The following DNAH6 variants were observed in gnomAD, a reference collection of about 807,000 sequenced individuals.
The protein encoded by DNAH6 is axonemal beta dynein heavy chain 6.
Under a neutral mutation model 491.4 loss-of-function variants are expected in DNAH6, and 340 were observed. The ratio of observed to expected loss-of-function variants is 0.69; its 90% CI spans 0.63 to 0.76. The LOEUF (loss-of-function observed/expected upper bound fraction) is 0.76. Among genes scored for constraint, DNAH6 ranks in the 30% least tolerant of loss-of-function variants. DNAH6 has a pLI of 0.00. For missense variants in DNAH6, 4,443 were observed against 4,972.2 expected (o/e 0.89, Z 3.20); for synonymous variants, 1,603 against 1,686.1 (o/e 0.95, Z 1.21).
At chr2:84,691,987 C>A (rs901592171) in intron 45 of DNAH6, among the ~76,000 whole-genome samples, 11 of 152,298 alleles carry the variant, frequency 7.2e-5, no homozygotes, top group African/African-American at 2.6e-4. Flanking sequence ...GTGGAGGAAA[C>A]AAATTTCAAA....
chr2:84,566,587 A>AT (rs1041780602), intron 11 of DNAH6, among the ~76,000 whole-genome samples: 4 of 151,896 alleles, frequency 2.6e-5, no homozygotes, highest in African/African-American at 7.2e-5. Context: ...CATGATAAAG[A>AT]TTTTTTTTCT....
chr2:84,683,106 C>T (rs1693939927), intron 42 of DNAH6, among the ~76,000 whole-genome samples: 1 of 152,178 alleles, frequency 6.6e-6, no homozygotes, highest in Admixed American at 6.5e-5. Context: ...GTCACCTTCT[C>T]AGCAAAACTT....
At chr2:84,676,563 G>A (rs1693252373) in intron 40 of DNAH6, among the ~76,000 whole-genome samples, 2 of 152,144 alleles carry the variant, frequency 1.3e-5, no homozygotes, top group South Asian at 4.1e-4. Context: ...TTGGTCGGTT[G>A]ACAAAAATGT....
At chr2:84,811,223 T>C (rs1024070985) in intron 72 of DNAH6, among the ~76,000 whole-genome samples, 1 of 152,250 alleles carries the variant, frequency 6.6e-6, no homozygotes, top group Non-Finnish European at 1.5e-5. Flanking sequence ...ATCCACACAA[T>C]GCCTGTCGCT....
rs1165291765 is a variant in DNAH6, at chr2:84,762,799, A to G, written c.10557A>G (p.Lys3519=). The G allele has an allele frequency of 3.9e-6, 6 of 1,550,790 alleles. No individual in the cohort carries two copies. The highest frequency in any genetic ancestry group is 2.4e-5 in the East Asian group (1 of 40,918). The change falls in exon 64 of 77, where the codon AAA becomes AAG. Residue 3519 remains lysine, a synonymous_variant. Transcript: ENST00000389394. ...LTDFVIENLG[K]QFIETPPVDL... is the part of the protein sequence containing the mutation. ...ACTTTGTGATAGAAAATCTTGGAAA[A>G]CAGTTTATAGAGACACCACCTGTGG...
At chr2:84,485,414 G>C in the DNAH6 span, among the ~76,000 whole-genome samples, 1 of 151,956 alleles carries the variant, frequency 6.6e-6, no homozygotes, top group Non-Finnish European at 1.5e-5. Flanking sequence ...GGGGCCTTTG[G>C]GTGTCCACTC....
chr2:84,699,126 C>T (rs1192287), intron 47 of DNAH6, among the ~76,000 whole-genome samples: 1 of 151,752 alleles, frequency 6.6e-6, no homozygotes, highest in Non-Finnish European at 1.5e-5. Context: ...CAAACCCCAG[C>T]ATCACGCAAT....
At chr2:84,519,843 A>T (rs1675976636) in intron 2 of DNAH6, among the ~76,000 whole-genome samples, 1 of 151,972 alleles carries the variant, frequency 6.6e-6, no homozygotes, top group Non-Finnish European at 1.5e-5. Flanking sequence ...AAACAATTTT[A>T]TACAAATTTA....
chr2:84,595,467 A>G (rs1412631612), intron 17 of DNAH6, among the ~76,000 whole-genome samples, 179 bp from the exon 18 acceptor site: 3 of 152,364 alleles, frequency 2.0e-5, no homozygotes, highest in African/African-American at 7.2e-5. Flanking sequence ...AGGCAAGAAC[A>G]TGAAAGGAAT....
At chr2:84,615,787 G>A (rs1390350396) in intron 22 of DNAH6, among the ~76,000 whole-genome samples, 1 of 146,236 alleles carries the variant, frequency 6.8e-6, no homozygotes, top group Non-Finnish European at 1.5e-5. Flanking sequence ...TTTTTTTTTT[G>A]CAGCTATTGT....
Position 84,812,326 on chromosome 2 carries a change from T to A in DNAH6, c.11740-15T>A. On this transcript the variant is annotated splice_polypyrimidine_tract_variant and intron_variant, in intron 72 of 76. Coordinates refer to ENST00000389394, the MANE Select transcript of DNAH6 (RefSeq NM_001370.2). ...ACATCTGCAAAGGCCACCAACCCCT[T>A]TTTTGTTCTTTCAGACTTCTCTGGA... is the stretch of plus-strand genomic sequence containing the variant. 1 of 1,549,876 alleles carries A rather than the reference T, an allele frequency of 6.5e-7. No individual in the cohort carries two copies. Among genetic ancestry groups the A allele is most frequent in the Non-Finnish European group, 8.7e-7 (1 of 1,145,854 alleles).
intron 58 of DNAH6, 105 bp downstream of exon 58, chr2:84,715,732 T>A: frequency 1.8e-6 from 2 of 1,083,044 alleles, no homozygotes; most frequent in Non-Finnish European, 2.7e-6. Flanking sequence ...GTAAGAGCAC[T>A]ACACATGAAC....
chr2:84,495,891 G>T, the DNAH6 span, among the ~76,000 whole-genome samples: 2 of 152,154 alleles, frequency 1.3e-5, no homozygotes, highest in Non-Finnish European at 2.9e-5. Flanking sequence ...TCTTATCAAC[G>T]TTACAGACAA....
intron 64 of DNAH6, among the ~76,000 whole-genome samples, chr2:84,766,651 T>A (rs957427183): frequency 3.3e-5 from 5 of 152,134 alleles, no homozygotes; most frequent in African/African-American, 7.2e-5. Flanking sequence ...AAATATATGT[T>A]TGAAGGTCTG....
At chr2:84,781,372 GGAAT>G in intron 64 of DNAH6, 117 bp from the exon 65 acceptor site, 1 of 837,990 alleles carries the variant, frequency 1.2e-6, no homozygotes, top group Non-Finnish European at 1.8e-6. Context: ...TACTCCTATT[GGAAT>G]GAGGATTCAA....
At chr2:84,471,733 A>G in the DNAH6 span, among the ~76,000 whole-genome samples, 10 of 152,228 alleles carry the variant, frequency 6.6e-5, no homozygotes, top group African/African-American at 2.4e-4. Context: ...CAAAAACACA[A>G]GCATACCCTT....
intron 64 of DNAH6, among the ~76,000 whole-genome samples, chr2:84,764,673 T>A (rs992377511): frequency 1.1e-4 from 17 of 152,284 alleles, no homozygotes; most frequent in African/African-American, 4.1e-4. Context: ...ACTTTTAGAC[T>A]TCTGTGATAT....
intron 54 of DNAH6, among the ~76,000 whole-genome samples, chr2:84,708,000 C>G (rs1696644784): frequency 6.6e-6 from 1 of 152,170 alleles, no homozygotes; most frequent in Non-Finnish European, 1.5e-5. Context: ...AGTGAGTCCC[C>G]TACCCTTATG....
chr2:84,694,387 T>A lies in DNAH6; in HGVS notation c.7431T>A (p.Tyr2477Ter). Residue 2477 changes from tyrosine (Y) to a stop codon, truncating the protein, a stop_gained, in exon 46 of 77, where the codon TAT becomes TAA. Transcript: ENST00000389394. LOFTEE classifies it high-confidence loss of function. ...TGCAGATTGAACTCAGCCGGGGATATAATTATGATAGTTTTCATGAAGACC... is the reference window on the plus strand; with the variant it reads ...TGCAGATTGAACTCAGCCGGGGATAAAATTATGATAGTTTTCATGAAGACC... Reference protein sequence around the residue: ...KCLQIELSRGYNYDSFHEDLR... With the variant: ...KCLQIELSRG 1 of 1,552,368 alleles carries A rather than the reference T, an allele frequency of 6.4e-7. No individual in the cohort carries two copies. Among genetic ancestry groups the A allele is most frequent in the Non-Finnish European group, 8.7e-7 (1 of 1,147,142 alleles).
Sources: allele counts gnomAD v4.1 joint callset (sites outside exome capture counted in the v4.1 genomes callset), GRCh38; gene constraint gnomAD v4.1.1; transcripts MANE v1.5; gene names NCBI Gene and HGNC (gene_info 2026-07-23, HGNC 2026-07-21).